ADNP2: variants seen among roughly 807,000 people sequenced by gnomAD.
The protein encoded by ADNP2 is ADNP homeobox 2, also known as activity-dependent neuroprotector homeobox protein 2.
Under a neutral mutation model 16.4 loss-of-function variants are expected in ADNP2, and 8 were observed. The observed-to-expected ratio is 0.49, with a 90% confidence interval of 0.29 to 0.88. The LOEUF (loss-of-function observed/expected upper bound fraction) is 0.88, where lower values mean the gene tolerates loss of function less well. Among genes scored for constraint, ADNP2 ranks in the 40% least tolerant of loss-of-function variants. ADNP2 has a pLI of 0.09. For missense variants in ADNP2, 1,397 were observed against 1,395.1 expected (o/e 1.00, Z -0.02); for synonymous variants, 637 against 545.8 (o/e 1.17, Z -2.33).
At chr18:80,130,429 T>A (rs1347000018) in intron 2 of ADNP2, among the ~76,000 whole-genome samples, 6 of 152,180 alleles carry the variant, frequency 3.9e-5, no homozygotes, top group Admixed American at 3.9e-4. Context: ...GCTGCACAGG[T>A]AAAGAAAGTG....
intron 1 of ADNP2, among the ~76,000 whole-genome samples, chr18:80,111,848 A>G (rs969351857): frequency 6.6e-6 from 1 of 151,636 alleles, no homozygotes; most frequent in Non-Finnish European, 1.5e-5. Flanking sequence ...CCCGGCCAAC[A>G]TTTTCTTTTA....
chr18:80,135,788 A>C lies in ADNP2; in HGVS notation c.375A>C (p.Arg125Ser), dbSNP rs780626488. The change falls in exon 4 of 4, where the codon AGA (arginine) becomes AGC (serine). Residue 125 changes from arginine to serine, a missense_variant. Transcript: ENST00000262198. Reference sequence around the variant, plus strand: ...CCAAAGTTGTGGGAAGGCACTTCAGAATGTTCCATGCACCTGTCCGGAAAG... The same window carrying C: ...CCAAAGTTGTGGGAAGGCACTTCAGCATGTTCCATGCACCTGTCCGGAAAG... ...SQPKVVGRHF[R>S]MFHAPVRKVQ... 6.2e-7 allele frequency: 1 copy of C among 1,614,256 alleles called. No individual in the cohort carries two copies. The highest frequency in any genetic ancestry group is 1.1e-5 in the South Asian group (1 of 91,086).
In ADNP2 at chr18:80,130,465, G is replaced by A. The variant is rs114805150; in HGVS notation, c.109-2638G>A. 3.6e-3 allele frequency among the ~76,000 whole-genome samples: 551 copies of A among 152,244 alleles called. 3 individuals carry two copies. The highest frequency in any genetic ancestry group is 0.013 in the African/African-American group (528 of 41,538). ...TTTTGTATGACTACACTTTCTACACGCTTTGTGAAGTAGCTGAGAGCAAAA... is the reference window on the plus strand; with the variant it reads ...TTTTGTATGACTACACTTTCTACACACTTTGTGAAGTAGCTGAGAGCAAAA... On this transcript the variant is annotated intron_variant, in intron 2 of 3. Coordinates refer to ENST00000262198, the MANE Select transcript of ADNP2 (RefSeq NM_014913.4).
At chr18:80,112,399 T>C (rs1568406939) in intron 1 of ADNP2, among the ~76,000 whole-genome samples, 1 of 151,942 alleles carries the variant, frequency 6.6e-6, no homozygotes, top group African/African-American at 2.4e-5. Context: ...TTATCCTTTG[T>C]TGGTTTCCCT....
intron 2 of ADNP2, among the ~76,000 whole-genome samples, chr18:80,130,122 C>G (rs1322527487): frequency 6.6e-6 from 1 of 152,182 alleles, no homozygotes; most frequent in Non-Finnish European, 1.5e-5. Context: ...GTTTGGGTCT[C>G]TACGGCCATT....
In ADNP2 at chr18:80,136,747, C is replaced by A. The variant is rs376361164; in HGVS notation, c.1334C>A (p.Pro445Gln). The change falls in exon 4 of 4, where the codon CCG (proline) becomes CAG (glutamine). Residue 445 changes from proline to glutamine, a missense_variant. Coordinates refer to ENST00000262198, the MANE Select transcript of ADNP2 (RefSeq NM_014913.4). Reference sequence around the variant, plus strand: ...GTGCTTTCTGTGAGTCGGGCGGTCCCGTCTGGAGTCCTTCCTGCAGGCCAG... The same window carrying A: ...GTGCTTTCTGTGAGTCGGGCGGTCCAGTCTGGAGTCCTTCCTGCAGGCCAG... ...PGVLSVSRAV[P>Q]SGVLPAGQMT... 6.2e-7 allele frequency: 1 copy of A among 1,613,628 alleles called. No individual in the cohort carries two copies. Among genetic ancestry groups the A allele is most frequent in the Admixed American group, 1.7e-5 (1 of 60,004 alleles).
chr18:80,118,146 C>T (rs1316087046), intron 2 of ADNP2, among the ~76,000 whole-genome samples: 5 of 152,052 alleles, frequency 3.3e-5, no homozygotes, highest in South Asian at 2.1e-4. Flanking sequence ...ATATCCTGGC[C>T]GGGCATGGTG....
Position 80,140,183 on chromosome 18 carries a change from ATG to A in ADNP2, c.*1376_*1377del, listed in dbSNP as rs1401962882. 3 of 152,408 alleles carry A rather than the reference ATG, an allele frequency of 2.0e-5. No homozygotes were observed. The highest frequency in any genetic ancestry group is 7.2e-5 in the African/African-American group (3 of 41,440). 9.4% of individuals were successfully genotyped at this position (152,408 alleles called of 1,614,324 possible). On this transcript the variant is annotated 3_prime_UTR_variant, in exon 4 of 4. Coordinates refer to ENST00000262198, the MANE Select transcript of ADNP2 (RefSeq NM_014913.4). Reference sequence around the variant, plus strand: ...GGATTTTAAAAAATATAATACTTGCATGTAATTGCTATAATGTTCATATTTGA... The same window carrying A: ...GGATTTTAAAAAATATAATACTTGCATAATTGCTATAATGTTCATATTTGA...
At position 80,135,858 on chromosome 18, in the gene ADNP2, A is replaced by AG. The variant is rs2052528986; in HGVS notation, c.447dup (p.Ser150GlufsTer12). 1 of 1,614,124 alleles carries AG rather than the reference A, an allele frequency of 6.2e-7. No homozygotes were observed. The highest frequency in any genetic ancestry group is 8.5e-7 in the Non-Finnish European group (1 of 1,180,048). ...TATTTTAGGTGAAACTAAATCATCT[A>AG]GGAGCGATGTGATAAGTTTCACATG... On this transcript the variant is annotated frameshift_variant, in exon 4 of 4. Coordinates refer to ENST00000262198, the MANE Select transcript of ADNP2 (RefSeq NM_014913.4). LOFTEE classifies it low-confidence loss of function (END_TRUNC).
At chr18:80,121,420 A>T (rs1007442638) in intron 2 of ADNP2, among the ~76,000 whole-genome samples, 1 of 152,180 alleles carries the variant, frequency 6.6e-6, no homozygotes, top group African/African-American at 2.4e-5. Flanking sequence ...GAAATACAGT[A>T]ATTTCCTTAT....
rs920826709 is a variant in ADNP2 at position 80,123,083 on chromosome 18, T to C, written c.108+5433T>C. Among the ~76,000 whole-genome samples the C allele has an allele frequency of 3.9e-5, 6 of 152,254 alleles. No homozygotes were observed. In the South Asian group the frequency reaches 8.3e-4, roughly 21 times the overall value. On this transcript the variant is annotated intron_variant, in intron 2 of 3. Coordinates refer to ENST00000262198, the MANE Select transcript of ADNP2 (RefSeq NM_014913.4). The stretch of plus-strand genomic sequence containing the variant: ...AATTGTGATAACCATGTGATTTTTT[T>C]CCCCCGTGCTTCATTCTACTAATGT...
intron 2 of ADNP2, among the ~76,000 whole-genome samples, chr18:80,125,879 A>G (rs764099236): frequency 6.6e-6 from 1 of 152,206 alleles, no homozygotes; most frequent in African/African-American, 2.4e-5. Flanking sequence ...TATATCGTCC[A>G]AGGCTGCTTT....
At position 80,137,223 on chromosome 18, in the gene ADNP2, C is replaced by T. The variant is rs751103994; in HGVS notation, c.1810C>T (p.Pro604Ser). ...AGGCTCTATTCTCAGACAGCTCATC[C>T]CTACAGGGAAACAAGTGAATGGGAT... Reference protein sequence around the residue: ...TSGSILRQLIPTGKQVNGIPT... With the variant: ...TSGSILRQLISTGKQVNGIPT... Residue 604 changes from proline to serine, a missense_variant, in exon 4 of 4, where the codon CCT becomes TCT. Coordinates refer to ENST00000262198, the MANE Select transcript of ADNP2 (RefSeq NM_014913.4). The surrounding 1 kb of genome is among the most constrained non-coding windows in gnomAD (Gnocchi z 4.2). 6.2e-7 allele frequency: 1 copy of T among 1,614,230 alleles called. No homozygotes were observed. The highest frequency in any genetic ancestry group is 8.5e-7 in the Non-Finnish European group (1 of 1,180,034).
chr18:80,130,126 G>A (rs35925814), intron 2 of ADNP2, among the ~76,000 whole-genome samples: 27,508 of 151,994 alleles, frequency 0.18, 2,760 homozygotes, highest in Middle Eastern at 0.25. Flanking sequence ...GGGTCTCTAC[G>A]GCCATTTGTC....
chr18:80,127,413 C>G (rs1332348035), intron 2 of ADNP2, among the ~76,000 whole-genome samples: 2 of 131,670 alleles, frequency 1.5e-5, no homozygotes, highest in African/African-American at 2.9e-5. Context: ...TTCAGATTTA[C>G]CAGTCTTTTC....
intron 2 of ADNP2, among the ~76,000 whole-genome samples, chr18:80,121,502 G>A (rs1302087546): frequency 6.6e-6 from 1 of 152,138 alleles, no homozygotes; most frequent in Non-Finnish European, 1.5e-5. Context: ...TTACTTTCTT[G>A]ATAACATCTT....
intron 2 of ADNP2, among the ~76,000 whole-genome samples, chr18:80,124,874 A>G (rs923390418): frequency 5.9e-5 from 9 of 152,074 alleles, no homozygotes; most frequent in Admixed American, 5.2e-4. Flanking sequence ...TTCTGTGTCT[A>G]TTTTCTAATT....
chr18:80,111,054 A>G (rs2052353988), intron 1 of ADNP2, among the ~76,000 whole-genome samples: 2 of 152,160 alleles, frequency 1.3e-5, no homozygotes, highest in Admixed American at 6.5e-5. Context: ...CACCAATAGC[A>G]TATTGCAAAC....
chr18:80,120,326 ATTCTT>A (rs773670968), intron 2 of ADNP2, among the ~76,000 whole-genome samples: 2 of 143,026 alleles, frequency 1.4e-5, no homozygotes, highest in Non-Finnish European at 3.0e-5. Flanking sequence ...TGACTGGTAT[ATTCTT>A]TTCTTTTTTT....
Sources: gnomAD v4.1 joint callset for allele counts (sites outside exome capture counted in the v4.1 genomes callset) on GRCh38, gnomAD v4.1.1 for gene constraint, Gnocchi (gnomAD v3.1) non-coding constraint, MANE v1.5 for transcripts, NCBI Gene and HGNC (gene_info 2026-07-23, HGNC 2026-07-21) for gene names.